The following TUSC3 variants were observed in gnomAD, a reference collection of about 807,000 sequenced individuals.
TUSC3 encodes the protein tumor suppressor candidate 3, also known as dolichyl-diphosphooligosaccharide--protein glycosyltransferase subunit TUSC3.
A neutral mutation model predicts 44.8 loss-of-function variants in TUSC3; 45 were observed. The ratio of observed to expected loss-of-function variants is 1.00; its 90% CI spans 0.79 to 1.29. The LOEUF (loss-of-function observed/expected upper bound fraction) is 1.29. Ranked by LOEUF, TUSC3 falls within the 50% of genes most tolerant of loss-of-function variation. The pLI is 0.00. For missense variants in TUSC3, 519 were observed against 437.9 expected, an observed-to-expected ratio of 1.19 and a Z score of -1.65; for synonymous variants, 212 against 152.9, an observed-to-expected ratio of 1.39 and a Z score of -2.85.
chr8:15,492,424 A>G (rs1800821454), intron 2 of TUSC3, among the ~76,000 whole-genome samples: 1 of 152,204 alleles, frequency 6.6e-6, no homozygotes, highest in East Asian at 1.9e-4. Flanking sequence ...CAGTTCTAGA[A>G]GGCAAGATTA....
intron 1 of TUSC3, among the ~76,000 whole-genome samples, chr8:15,424,833 A>C (rs541945715): frequency 2.0e-5 from 3 of 151,926 alleles, no homozygotes; most frequent in African/African-American, 7.2e-5. Flanking sequence ...GAGCCGAGGT[A>C]GCACCACTGT....
At chr8:15,510,311 G>C (rs1801116282) in intron 2 of TUSC3, among the ~76,000 whole-genome samples, 1 of 152,064 alleles carries the variant, frequency 6.6e-6, no homozygotes, top group African/African-American at 2.4e-5. Flanking sequence ...ACCAGAAGCT[G>C]GTTCTTTATG....
At chr8:15,465,935 AG>A (rs1388531243) in intron 1 of TUSC3, among the ~76,000 whole-genome samples, 4 of 152,180 alleles carry the variant, frequency 2.6e-5, no homozygotes, top group Admixed American at 2.0e-4. Context: ...TGATATACTC[AG>A]GGAATAAACA....
intron 1 of TUSC3, among the ~76,000 whole-genome samples, chr8:15,459,270 A>G (rs1030174632): frequency 4.6e-5 from 7 of 152,196 alleles, no homozygotes; most frequent in African/African-American, 1.2e-4. Context: ...TGTCTAGTTC[A>G]GGAAGTTTTT....
At chr8:15,774,051 C>G in the TUSC3 span, among the ~76,000 whole-genome samples, 1 of 152,214 alleles carries the variant, frequency 6.6e-6, no homozygotes, top group Non-Finnish European at 1.5e-5. Context: ...ACTTAGACCT[C>G]AAAATTAAAA....
chr8:15,561,707 T>C (rs1390432905), intron 1 of TUSC3: 1 of 149,208 alleles, frequency 6.7e-6, no homozygotes, highest in Admixed American at 6.7e-5. Context: ...AATCTTGTGG[T>C]GCGCCGTTTT....
chr8:15,793,931 A>G, the TUSC3 span, among the ~76,000 whole-genome samples: 1 of 152,210 alleles, frequency 6.6e-6, no homozygotes, highest in Non-Finnish European at 1.5e-5. Flanking sequence ...TGAGGAAACC[A>G]AAGGTCAGTG....
At chr8:15,560,744 T>A (rs1462520792) in intron 1 of TUSC3, among the ~76,000 whole-genome samples, 1 of 120,986 alleles carries the variant, frequency 8.3e-6, no homozygotes, top group African/African-American at 3.0e-5. Context: ...CTCGCTTCAT[T>A]TCATTCATTT....
At chr8:15,669,173 T>C (rs1353409531) in intron 5 of TUSC3, among the ~76,000 whole-genome samples, 1 of 151,728 alleles carries the variant, frequency 6.6e-6, no homozygotes, top group Admixed American at 6.6e-5. Context: ...ATCAAGGAAG[T>C]TGAACAACTT....
intron 2 of TUSC3, among the ~76,000 whole-genome samples, chr8:15,632,468 G>A (rs1008003612): frequency 1.3e-5 from 2 of 152,040 alleles, no homozygotes; most frequent in Non-Finnish European, 2.9e-5. Flanking sequence ...TTAGGGTGAT[G>A]GTTGTCAGAT....
downstream of TUSC3, among the ~76,000 whole-genome samples, chr8:15,770,564 A>G (rs116034834): frequency 1.8e-3 from 276 of 152,316 alleles, 1 homozygote; most frequent in African/African-American, 6.3e-3. Flanking sequence ...TTTAAAAATT[A>G]TGAAAAGGAG....
In TUSC3 at chr8:15,730,668, C is replaced by T. The variant is rs1297955297; in HGVS notation, c.801C>T (p.Ser267=). 6.2e-7 allele frequency: 1 copy of T among 1,612,704 alleles called. No homozygotes were observed. Among genetic ancestry groups the T allele is most frequent in the African/African-American group, 1.3e-5 (1 of 74,856 alleles). Residue 267 remains serine (S), a splice_region_variant and synonymous_variant, in exon 7 of 11, where the codon AGC becomes AGT. Transcript: ENST00000503731. ...AHKNPHNGQV[S]YIHGSSQAQF... is the part of the protein sequence containing the mutation. ...TTTCTGTTTGTCTTCTTTTATAGAG[C>T]TACATTCATGGGAGCAGCCAGGCTC...
At chr8:15,594,484 T>TA (rs573593992) in intron 1 of TUSC3, among the ~76,000 whole-genome samples, 259 of 152,308 alleles carry the variant, frequency 1.7e-3, no homozygotes, top group Admixed American at 2.7e-3. Flanking sequence ...GGATACTGGA[T>TA]AATTTTGTCT....
intron 1 of TUSC3, among the ~76,000 whole-genome samples, chr8:15,564,333 C>G (rs1016245724): frequency 6.6e-6 from 1 of 152,052 alleles, no homozygotes; most frequent in Non-Finnish European, 1.5e-5. Flanking sequence ...GATTTCTTGT[C>G]TCATTTGAAA....
chr8:15,650,801 A>G lies in TUSC3; in HGVS notation c.413A>G (p.Asp138Gly). 6.2e-7 allele frequency: 1 copy of G among 1,614,022 alleles called. No individual in the cohort carries two copies. The highest frequency in any genetic ancestry group is 8.5e-7 in the Non-Finnish European group (1 of 1,179,888). The change falls in exon 3 of 11, where the codon GAC becomes GGC. Residue 138 changes from aspartate (D) to glycine (G), a missense_variant. Transcript: ENST00000503731. ...FSMVDYDEGT[D>G]VFQQLNMNSA... Reference sequence around the variant, plus strand: ...ATGGTGGACTATGATGAGGGGACAGACGTTTTTCAGCAGGTAAAGAGTTAT... The same window carrying G: ...ATGGTGGACTATGATGAGGGGACAGGCGTTTTTCAGCAGGTAAAGAGTTAT...
the TUSC3 span, among the ~76,000 whole-genome samples, chr8:15,789,902 G>C: frequency 3.3e-5 from 5 of 152,138 alleles, no homozygotes; most frequent in African/African-American, 9.7e-5. Flanking sequence ...AGGCTGTCAG[G>C]GTTCTTGACT....
chr8:15,609,730 T>G (rs2129158300), intron 1 of TUSC3, among the ~76,000 whole-genome samples: 1 of 151,230 alleles, frequency 6.6e-6, no homozygotes, highest in Admixed American at 6.6e-5. Flanking sequence ...TAGTGAAAAA[T>G]TGTCAGGAGG....
At position 15,750,041 on chromosome 8, in the gene TUSC3, T is replaced by G. The variant is rs545784865; in HGVS notation, c.1028+1576T>G. On this transcript the variant is annotated intron_variant, in intron 9 of 10. Transcript: ENST00000503731. The stretch of plus-strand genomic sequence containing the variant: ...GTTGCCCAGGCTGGAGTGCAGTGGC[T>G]TGATCTCGGCTCACTGCAAGCTCCG... Among the ~76,000 whole-genome samples the G allele has an allele frequency of 1.6e-4, 24 of 150,624 alleles. No homozygotes were observed. The East Asian group carries it at 2.8e-3, about 17-fold the overall frequency.
the TUSC3 span, chr8:15,807,355 A>C: frequency 5.0e-4 from 172 of 345,340 alleles, no homozygotes; most frequent in African/African-American, 3.5e-3. Flanking sequence ...CAACAACCAC[A>C]ACAACAACAA....
Sources: allele counts gnomAD v4.1 joint callset (sites outside exome capture counted in the v4.1 genomes callset), GRCh38; gene constraint gnomAD v4.1.1; transcripts MANE v1.5; gene names NCBI Gene and HGNC (gene_info 2026-07-23, HGNC 2026-07-21).